Variants in CCR5AS observed in about 807,000 individuals in gnomAD.
The protein encoded by CCR5AS is CCR5 antisense RNA.
intron 2 of CCR5AS, among the ~76,000 whole-genome samples, chr3:46,387,142 T>A (rs920814010): frequency 6.6e-6 from 1 of 152,154 alleles, no homozygotes; most frequent in African/African-American, 2.4e-5. Context: ...AAATGAAAGA[T>A]ACCCCCTTCC....
At chr3:46,367,544 C>A (rs549752128) in intron 3 of CCR5AS, among the ~76,000 whole-genome samples, 2 of 152,168 alleles carry the variant, frequency 1.3e-5, no homozygotes, top group South Asian at 4.2e-4. Context: ...ATACAATGAG[C>A]ATGTGTTGGT....
chr3:46,397,559 C>T (rs1701971529), intron 1 of CCR5AS, among the ~76,000 whole-genome samples: 1 of 152,214 alleles, frequency 6.6e-6, no homozygotes, highest in Non-Finnish European at 1.5e-5. Flanking sequence ...GAGGGAGCTG[C>T]CTGACAAGAG....
chr3:46,395,735 G>A (rs1025012761), intron 1 of CCR5AS, among the ~76,000 whole-genome samples: 1 of 151,512 alleles, frequency 6.6e-6, no homozygotes, highest in Non-Finnish European at 1.5e-5. Flanking sequence ...TGAGAGGACA[G>A]GACCAGCCTC....
At chr3:46,365,746 A>G (rs1701592869) in intron 3 of CCR5AS, among the ~76,000 whole-genome samples, 1 of 152,034 alleles carries the variant, frequency 6.6e-6, no homozygotes, top group African/African-American at 2.4e-5. Context: ...ACTTCTTCCA[A>G]CCCACCATTT....
chr3:46,373,286 G>C (rs759132997), intron 2 of CCR5AS: 1 of 1,614,098 alleles, frequency 6.2e-7, no homozygotes, highest in Non-Finnish European at 8.5e-7. Flanking sequence ...ATAGGTACCT[G>C]GCTGTCGTCC....
At chr3:46,388,160 C>G (rs971677814) in intron 2 of CCR5AS, among the ~76,000 whole-genome samples, 1 of 152,002 alleles carries the variant, frequency 6.6e-6, no homozygotes, top group Non-Finnish European at 1.5e-5. Context: ...AAAAACAAAA[C>G]AAAATAGTGA....
intron 1 of CCR5AS, among the ~76,000 whole-genome samples, chr3:46,397,734 A>T (rs4683222): frequency 0.61 from 93,166 of 152,086 alleles, 28,763 homozygotes; most frequent in African/African-American, 0.68. Flanking sequence ...TAAGGTGAGC[A>T]TCCCCCAGAA....
At chr3:46,384,874 TAGATA>T (rs1701845805) in intron 2 of CCR5AS, among the ~76,000 whole-genome samples, 5 of 148,126 alleles carry the variant, frequency 3.4e-5, no homozygotes, top group Non-Finnish European at 7.5e-5. Flanking sequence ...GATAGATAGA[TAGATA>T]GATAGATAGA....
intron 2 of CCR5AS, among the ~76,000 whole-genome samples, chr3:46,386,199 A>G (rs1575284484): frequency 2.0e-5 from 3 of 152,186 alleles, no homozygotes; most frequent in East Asian, 3.9e-4. Flanking sequence ...TACAGGAATG[A>G]GCCACCCCAC....
At chr3:46,382,089 C>T (rs1312385379) in intron 2 of CCR5AS, among the ~76,000 whole-genome samples, 1 of 152,238 alleles carries the variant, frequency 6.6e-6, no homozygotes, top group Non-Finnish European at 1.5e-5. Context: ...AAGCTGGAAG[C>T]TTGCACGGGT....
intron 2 of CCR5AS, chr3:46,376,087 C>T (rs1255890706): frequency 6.0e-6 from 1 of 167,082 alleles, no homozygotes; most frequent in African/African-American, 2.4e-5. Flanking sequence ...TAGGACCCTA[C>T]CCTCTGGGCC....
chr3:46,403,294 A>G (rs561209287), intron 1 of CCR5AS, among the ~76,000 whole-genome samples: 1 of 152,302 alleles, frequency 6.6e-6, no homozygotes, highest in East Asian at 1.9e-4. Context: ...TTGATCTAAT[A>G]CCTATTTCTC....
intron 2 of CCR5AS, among the ~76,000 whole-genome samples, chr3:46,388,473 A>G (rs1157853237): frequency 6.6e-6 from 1 of 152,202 alleles, no homozygotes; most frequent in Non-Finnish European, 1.5e-5. Flanking sequence ...AAGAACTGGG[A>G]GGACCCAGGA....
intron 1 of CCR5AS, among the ~76,000 whole-genome samples, chr3:46,401,134 T>A (rs1702002660): frequency 1.3e-5 from 2 of 152,128 alleles, no homozygotes; most frequent in African/African-American, 4.8e-5. Context: ...ATAGAAAAAG[T>A]CATATGAGCT....
At position 46,397,396 on chromosome 3, in the gene CCR5AS, G is replaced by A. The variant is rs554613851; in HGVS notation, n.164-4344C>T. Among the ~76,000 whole-genome samples the A allele has an allele frequency of 5.9e-5, 9 of 152,318 alleles. No individual in the cohort carries two copies. The South Asian group carries it at 1.7e-3, about 28-fold the overall frequency. ...TTCAGGAGCTTGGCAGAAGCCAAAC[G>A]GCACACTTAAGTAGGGCAACTGAGG... On this transcript the variant is annotated intron_variant and non_coding_transcript_variant, in intron 1 of 3. Transcript: ENST00000451485.
At chr3:46,381,025 T>C (rs747566921) in intron 2 of CCR5AS, among the ~76,000 whole-genome samples, 12 of 152,178 alleles carry the variant, frequency 7.9e-5, no homozygotes, top group Non-Finnish European at 1.5e-4. Context: ...AGCATGTGAA[T>C]CTAGACTTCA....
intron 2 of CCR5AS, among the ~76,000 whole-genome samples, chr3:46,371,700 T>C (rs768882061): frequency 2.6e-5 from 4 of 152,214 alleles, no homozygotes; most frequent in African/African-American, 4.8e-5. Context: ...CATTCATCTG[T>C]GGTGGCAGAC....
intron 2 of CCR5AS, chr3:46,373,388 A>G (rs763623180): frequency 1.9e-6 from 3 of 1,614,194 alleles, no homozygotes; most frequent in Non-Finnish European, 2.5e-6. Flanking sequence ...CGTCTCTCCC[A>G]GGAATCATCT....
At chr3:46,368,106 G>A (rs1246726955) in intron 3 of CCR5AS, among the ~76,000 whole-genome samples, 1 of 152,132 alleles carries the variant, frequency 6.6e-6, no homozygotes, top group African/African-American at 2.4e-5. Context: ...GAAATGGTGT[G>A]AGCAAGGAGA....
Sources: allele counts gnomAD v4.1 joint callset (sites outside exome capture counted in the v4.1 genomes callset), GRCh38; gene constraint gnomAD v4.1.1; transcripts MANE v1.5; gene names NCBI Gene and HGNC (gene_info 2026-07-23, HGNC 2026-07-21).